ALDH9A1: variants seen among roughly 807,000 people sequenced by gnomAD.
ALDH9A1 encodes the protein 4-trimethylaminobutyraldehyde dehydrogenase.
Under a neutral mutation model 56.6 loss-of-function variants are expected in ALDH9A1, and 42 were observed. The observed-to-expected ratio is 0.74, with a 90% confidence interval of 0.58 to 0.96. ALDH9A1 has a LOEUF of 0.96. Ranked by LOEUF, ALDH9A1 falls within the 40% of genes least tolerant of loss-of-function variation. ALDH9A1 has a pLI of 0.00. For missense variants in ALDH9A1, 661 were observed against 651.5 expected, an observed-to-expected ratio of 1.01 and a Z score of -0.16; for synonymous variants, 242 against 236.0, an observed-to-expected ratio of 1.03 and a Z score of -0.23.
At chr1:165,693,914 A>G (rs1392286985) in intron 2 of ALDH9A1, among the ~76,000 whole-genome samples, 1 of 152,182 alleles carries the variant, frequency 6.6e-6, no homozygotes, top group African/African-American at 2.4e-5. Context: ...TGTCCTTTGC[A>G]GGGACATGGA....
chr1:165,673,131 G>A (rs370426311), intron 6 of ALDH9A1, among the ~76,000 whole-genome samples: 4 of 145,978 alleles, frequency 2.7e-5, no homozygotes, highest in African/African-American at 5.1e-5. Context: ...CTCTGATTAC[G>A]AATGGGCAAA....
At chr1:165,666,644 T>TA (rs4646900) in intron 9 of ALDH9A1, among the ~76,000 whole-genome samples, 42 of 146,126 alleles carry the variant, frequency 2.9e-4, no homozygotes, top group South Asian at 4.3e-4. Flanking sequence ...CATGAAGTTA[T>TA]AAAAAAAAAA....
In ALDH9A1 at chr1:165,695,396, G is replaced by A. The variant is rs749814832; in HGVS notation, c.183C>T (p.Gly61=). The change falls in exon 2 of 11, where the codon GGC becomes GGT. Residue 61 remains glycine, a splice_region_variant and synonymous_variant. Transcript: ENST00000354775. ...AACATGTGAAAGTAGCTATCACTCGGCCTATAAAGAGCGGAAACATCAGTT... is the reference window on the plus strand; with the variant it reads ...AACATGTGAAAGTAGCTATCACTCGACCTATAAAGAGCGGAAACATCAGTT... ...GTEKAFEPAT[G]RVIATFTCSG... 1.9e-6 allele frequency: 3 copies of A among 1,597,026 alleles called. No homozygotes were observed. The African/African-American group carries it at 4.1e-5, about 22-fold the overall frequency.
At chr1:165,671,052 C>A (rs1277207519) in intron 6 of ALDH9A1, among the ~76,000 whole-genome samples, 2 of 152,220 alleles carry the variant, frequency 1.3e-5, no homozygotes, top group Admixed American at 1.3e-4. Flanking sequence ...GCCTGGGCGA[C>A]AGAGCGAGAC....
At position 165,678,848 on chromosome 1, in the gene ALDH9A1, C is replaced by T. The variant is rs1328844455; in HGVS notation, c.930+594G>A. Among the ~76,000 whole-genome samples the T allele has an allele frequency of 3.3e-5, 5 of 152,262 alleles. No homozygotes were observed. In the East Asian group the frequency reaches 5.8e-4, roughly 18 times the overall value. On this transcript the variant is annotated intron_variant, in intron 6 of 10. Coordinates refer to ENST00000354775, the MANE Select transcript of ALDH9A1 (RefSeq NM_000696.4). ...AAGGAACATTCTACAAAATGAATGGCCTGTTCTCCCAAAATGTCAACGTCC... is the reference window on the plus strand; with the variant it reads ...AAGGAACATTCTACAAAATGAATGGTCTGTTCTCCCAAAATGTCAACGTCC...
At chr1:165,667,512 A>G (rs2176151) in intron 8 of ALDH9A1, 62 bp from the exon 9 acceptor site, 672,487 of 1,569,980 alleles carry the variant, frequency 0.43, 147,223 homozygotes, top group Middle Eastern at 0.47. Context: ...CACCACCCCC[A>G]GCTAATTTTT....
chr1:165,676,490 T>C, intron 6 of ALDH9A1: 1 of 277,178 alleles, frequency 3.6e-6, no homozygotes, highest in Admixed American at 4.3e-5. Context: ...TGGGAAAAAC[T>C]GGAAGAGTCT....
At chr1:165,681,108 C>T (rs1649539636) in intron 4 of ALDH9A1, among the ~76,000 whole-genome samples, 1 of 152,162 alleles carries the variant, frequency 6.6e-6, no homozygotes, top group African/African-American at 2.4e-5. Flanking sequence ...GGGTCCCTCC[C>T]ACAACACATG....
At position 165,683,158 on chromosome 1, in the gene ALDH9A1, T is replaced by C. The variant is rs763836195; in HGVS notation, c.328-48A>G. 5 of 1,587,104 alleles carry C rather than the reference T, an allele frequency of 3.2e-6. No homozygotes were observed. In the East Asian group the frequency reaches 1.1e-4, roughly 36 times the overall value. On this transcript the variant is annotated intron_variant, in intron 2 of 10. Transcript: ENST00000354775. Reference sequence around the variant, plus strand: ...GATTTAAGACATATTCCAATATGTCTTGATGTAATTAATGCTTAAATAGAA... The same window carrying C: ...GATTTAAGACATATTCCAATATGTCCTGATGTAATTAATGCTTAAATAGAA...
chr1:165,691,407 G>C (rs1284960389), intron 2 of ALDH9A1, among the ~76,000 whole-genome samples: 1 of 152,196 alleles, frequency 6.6e-6, no homozygotes. Flanking sequence ...ACCAAAGGTA[G>C]ATAAAACCAC....
chr1:165,689,373 T>C (rs1287173030), intron 2 of ALDH9A1, among the ~76,000 whole-genome samples: 1 of 152,244 alleles, frequency 6.6e-6, no homozygotes, highest in East Asian at 1.9e-4. Context: ...CTTTACTTCC[T>C]GTTCCTGAAA....
At chr1:165,667,009 C>T (rs1427424706) in intron 9 of ALDH9A1, among the ~76,000 whole-genome samples, 1 of 152,142 alleles carries the variant, frequency 6.6e-6, no homozygotes, top group Admixed American at 6.5e-5. Context: ...TTACAGGTTT[C>T]TAAATTCCTT....
chr1:165,668,868 CTCTA>C (rs754899640), intron 8 of ALDH9A1, 54 bp downstream of exon 8: 5 of 1,287,344 alleles, frequency 3.9e-6, no homozygotes, highest in African/African-American at 1.5e-5. Context: ...AAATATTCAT[CTCTA>C]TCTATTCAGT....
chr1:165,686,129 C>T (rs1421200032), intron 2 of ALDH9A1, among the ~76,000 whole-genome samples: 2 of 152,154 alleles, frequency 1.3e-5, no homozygotes, highest in African/African-American at 2.4e-5. Context: ...TTCATTCTCC[C>T]ACCTTAAACA....
intron 2 of ALDH9A1, among the ~76,000 whole-genome samples, chr1:165,687,406 C>T (rs1406383953): frequency 6.6e-6 from 1 of 150,858 alleles, no homozygotes; most frequent in Non-Finnish European, 1.5e-5. Flanking sequence ...GAAAACTGCA[C>T]CAAAAGACAT....
intron 2 of ALDH9A1, among the ~76,000 whole-genome samples, chr1:165,692,153 T>G (rs1271516041): frequency 6.6e-6 from 1 of 152,192 alleles, no homozygotes; most frequent in East Asian, 1.9e-4. Flanking sequence ...CTTTGAAAAC[T>G]GGCACAAGAC....
chr1:165,665,053 G>T lies in ALDH9A1; in HGVS notation c.1427C>A (p.Pro476Gln). ...TCFINNYNVS[P>Q]VELPFGGYKK... The stretch of plus-strand genomic sequence containing the variant: ...ATATCCACCAAAGGGCAACTCCACT[G>T]GGCTGACGTTATAGTTGTTAATGAA... The change falls in exon 10 of 11, where the codon CCA becomes CAA. Residue 476 changes from proline (P) to glutamine (Q), a missense_variant. By Grantham distance (76) the Pro-to-Gln change is moderately conservative. Coordinates refer to ENST00000354775, the MANE Select transcript of ALDH9A1 (RefSeq NM_000696.4). 6.2e-7 allele frequency: 1 copy of T among 1,613,934 alleles called. No homozygotes were observed. The highest frequency in any genetic ancestry group is 1.3e-5 in the African/African-American group (1 of 75,004).
chr1:165,684,538 C>A (rs1427622355), intron 2 of ALDH9A1, among the ~76,000 whole-genome samples: 1 of 152,142 alleles, frequency 6.6e-6, no homozygotes, highest in Non-Finnish European at 1.5e-5. Flanking sequence ...AAATTATTCC[C>A]CATTCTTAAG....
At chr1:165,685,459 T>C (rs1477022144) in intron 2 of ALDH9A1, among the ~76,000 whole-genome samples, 1 of 152,210 alleles carries the variant, frequency 6.6e-6, no homozygotes, top group Non-Finnish European at 1.5e-5. Context: ...CTAATACAAT[T>C]ATGTACAACA....
Sources: allele counts gnomAD v4.1 joint callset (sites outside exome capture counted in the v4.1 genomes callset), GRCh38; gene constraint gnomAD v4.1.1; transcripts MANE v1.5; gene names NCBI Gene and HGNC (gene_info 2026-07-23, HGNC 2026-07-21).